Variants in HLCS observed in about 807,000 individuals in gnomAD.
HLCS encodes holocarboxylase synthetase.
HLCS carries 53 observed loss-of-function variants against 75.0 expected under a neutral mutation model. The ratio of observed to expected loss-of-function variants is 0.71; its 90% confidence interval spans 0.57 to 0.89. The LOEUF is 0.89. HLCS is among the 40% of genes least tolerant of loss of function. The probability of loss-of-function intolerance (pLI) is 0.00; values close to 1 mark genes in which losing one functional copy is unlikely to be tolerated. For synonymous variants in HLCS, 431 were observed against 428.6 expected, an observed-to-expected ratio of 1.01 and a Z score of -0.07; for missense variants, 966 against 1,074.0, an observed-to-expected ratio of 0.90 and a Z score of 1.41.
chr21:36,840,588 C>A (rs1161700312), intron 6 of HLCS, among the ~76,000 whole-genome samples: 2 of 152,064 alleles, frequency 1.3e-5, no homozygotes, highest in Non-Finnish European at 2.9e-5. Context: ...GACTAAATTA[C>A]AATTTTGCTT....
Position 36,778,395 on chromosome 21 carries a change from A to T in HLCS, c.1893-11110T>A, listed in dbSNP as rs376613532. Among the ~76,000 whole-genome samples, 13 of 152,054 alleles carry T rather than the reference A, an allele frequency of 8.5e-5. No homozygotes were observed. The East Asian group carries it at 2.1e-3, about 25-fold the overall frequency. ...CCTGGGTTCAGGCGATTCTCCTGCC[A>T]CAGCCTCCCGAGTAGCTGGGATTAC... On this transcript the variant is annotated intron_variant, in intron 6 of 10. Transcript: ENST00000674895.
At chr21:36,765,922 C>T (rs2090013837) in intron 7 of HLCS, among the ~76,000 whole-genome samples, 1 of 152,204 alleles carries the variant, frequency 6.6e-6, no homozygotes, top group Admixed American at 6.5e-5. Context: ...GTTGGGATTA[C>T]AGGCATGAGC....
chr21:36,889,123 G>C lies in HLCS; in HGVS notation c.1892+7737C>G, dbSNP rs187521474. ...TGCCTGGCATACAGGAGTTGCTCCA[G>C]AACTGCTTATCCCATGAGGCAAAGA... On this transcript the variant is annotated intron_variant, in intron 6 of 10. Coordinates refer to ENST00000674895, the MANE Select transcript of HLCS (RefSeq NM_001352514.2). Among the ~76,000 whole-genome samples the C allele has an allele frequency of 7.5e-3, 1,137 of 152,310 alleles. 14 individuals are homozygous for C. Among genetic ancestry groups the C allele is most frequent in the African/African-American group, 0.024 (1,009 of 41,564 alleles).
At chr21:36,805,530 G>T (rs2061336346) in intron 6 of HLCS, among the ~76,000 whole-genome samples, 1 of 152,172 alleles carries the variant, frequency 6.6e-6, no homozygotes, top group African/African-American at 2.4e-5. Flanking sequence ...GGCCACCAGG[G>T]TACCTTCTGC....
chr21:36,838,957 T>C (rs141762903), intron 6 of HLCS, among the ~76,000 whole-genome samples: 1 of 152,172 alleles, frequency 6.6e-6, no homozygotes, highest in Non-Finnish European at 1.5e-5. Flanking sequence ...TTCAGCTGTT[T>C]TAAGCTGCCA....
At chr21:36,778,842 G>A (rs186844443) in intron 6 of HLCS, among the ~76,000 whole-genome samples, 1 of 152,128 alleles carries the variant, frequency 6.6e-6, no homozygotes, top group East Asian at 1.9e-4. Context: ...CTGGCTCCTG[G>A]GTCTTACTGG....
intron 6 of HLCS, among the ~76,000 whole-genome samples, chr21:36,806,885 C>A (rs189145456): frequency 2.9e-3 from 440 of 152,296 alleles, no homozygotes; most frequent in Non-Finnish European, 4.7e-3. Context: ...AAGGTGTCAG[C>A]GGGCACTGTG....
At chr21:36,815,505 T>C (rs2061636797) in intron 6 of HLCS, among the ~76,000 whole-genome samples, 1 of 152,242 alleles carries the variant, frequency 6.6e-6, no homozygotes, top group Non-Finnish European at 1.5e-5. Context: ...CAAACAGTTT[T>C]AGACATTCAT....
intron 1 of HLCS, among the ~76,000 whole-genome samples, chr21:36,988,618 T>C (rs148981379): frequency 5.3e-4 from 80 of 152,342 alleles, no homozygotes; most frequent in Non-Finnish European, 8.8e-4. Flanking sequence ...TGTAGTTTTG[T>C]TAAACAATGC....
intron 5 of HLCS, among the ~76,000 whole-genome samples, chr21:36,907,811 C>G (rs551567247): frequency 1.3e-5 from 2 of 152,226 alleles, no homozygotes; most frequent in East Asian, 1.9e-4. Flanking sequence ...ACAAACAATT[C>G]AACTTAAAGC....
chr21:36,916,316 C>T (rs1195856089), intron 5 of HLCS, among the ~76,000 whole-genome samples: 1 of 152,088 alleles, frequency 6.6e-6, no homozygotes, highest in Non-Finnish European at 1.5e-5. Context: ...TATCTGTCCT[C>T]ATAGCATCCG....
intron 6 of HLCS, among the ~76,000 whole-genome samples, chr21:36,860,379 G>GGAAGCCACACCCT: frequency 8.5e-6 from 1 of 117,452 alleles, no homozygotes. Context: ...AGCCACACCC[G>GGAAGCCACACCCT]CCAGGAAGTC....
chr21:36,781,836 C>CA (rs1271595573), intron 6 of HLCS, among the ~76,000 whole-genome samples: 15 of 152,218 alleles, frequency 9.9e-5, no homozygotes, highest in African/African-American at 3.1e-4. Context: ...CAGACACTTA[C>CA]AAGTCAGTAA....
intron 6 of HLCS, among the ~76,000 whole-genome samples, chr21:36,894,768 G>A (rs1255093969): frequency 1.3e-5 from 2 of 151,874 alleles, no homozygotes; most frequent in East Asian, 3.9e-4. Context: ...CCTATGGGAG[G>A]TTCCACCTCT....
intron 1 of HLCS, among the ~76,000 whole-genome samples, chr21:36,989,985 T>C (rs1194933582): frequency 1.3e-5 from 2 of 152,150 alleles, no homozygotes; most frequent in South Asian, 2.1e-4. Context: ...CCCGCCCCCT[T>C]CTGGCAGCTG....
chr21:36,929,720 C>G (rs2066552718), intron 5 of HLCS, among the ~76,000 whole-genome samples: 1 of 152,330 alleles, frequency 6.6e-6, no homozygotes, highest in Middle Eastern at 3.4e-3. Flanking sequence ...CCTGGAGAAT[C>G]TGGCGACCTG....
intron 6 of HLCS, among the ~76,000 whole-genome samples, chr21:36,841,516 A>G (rs994292319): frequency 6.6e-6 from 1 of 152,250 alleles, no homozygotes; most frequent in Non-Finnish European, 1.5e-5. Context: ...TGTGGAAAGC[A>G]AGAGGATTCA....
chr21:36,951,831 A>C (rs1024053231), intron 2 of HLCS, among the ~76,000 whole-genome samples: 1 of 152,266 alleles, frequency 6.6e-6, no homozygotes, highest in African/African-American at 2.4e-5. Context: ...ACTGAGCTGA[A>C]TCTGCCATCA....
intron 6 of HLCS, among the ~76,000 whole-genome samples, chr21:36,884,188 T>C (rs1481090149): frequency 6.6e-6 from 1 of 152,246 alleles, no homozygotes; most frequent in African/African-American, 2.4e-5. Flanking sequence ...AGAATCTGGC[T>C]GCCTTCAGCC....
Sources: allele counts gnomAD v4.1 joint callset (sites outside exome capture counted in the v4.1 genomes callset), GRCh38; gene constraint gnomAD v4.1.1; transcripts MANE v1.5; gene names NCBI Gene and HGNC (gene_info 2026-07-23, HGNC 2026-07-21).